The following MAGI1 variants were observed in gnomAD, a reference collection of about 807,000 sequenced individuals.
MAGI1 encodes the protein membrane-associated guanylate kinase, WW and PDZ domain-containing protein 1.
Under a neutral mutation model 139.9 loss-of-function variants are expected in MAGI1, and 58 were observed. The observed-to-expected ratio is 0.41, with a 90% CI of 0.34 to 0.52. The LOEUF is 0.52. Among genes scored for constraint, MAGI1 ranks in the 20% least tolerant of loss-of-function variants. MAGI1 has a pLI of 0.12. For synonymous variants in MAGI1, 812 were observed against 737.9 expected (o/e 1.10, Z -1.63); for missense variants, 1,874 against 1,901.6 (o/e 0.99, Z 0.27).
At chr3:65,727,085 G>A (rs1210053886) in intron 1 of MAGI1, among the ~76,000 whole-genome samples, 1 of 152,096 alleles carries the variant, frequency 6.6e-6, no homozygotes, top group Non-Finnish European at 1.5e-5. Context: ...TATATGGGAT[G>A]GAGAAAATTC....
At chr3:65,733,106 A>G (rs1297775007) in intron 1 of MAGI1, among the ~76,000 whole-genome samples, 1 of 151,838 alleles carries the variant, frequency 6.6e-6, no homozygotes, top group Non-Finnish European at 1.5e-5. Flanking sequence ...CTGGAGTGCA[A>G]TGAGTGCAAT....
intron 1 of MAGI1, among the ~76,000 whole-genome samples, chr3:65,851,058 G>C (rs1259676255): frequency 6.6e-6 from 1 of 152,002 alleles, no homozygotes; most frequent in Non-Finnish European, 1.5e-5. Flanking sequence ...AGTGAGCCGA[G>C]ATCACGCCAC....
At chr3:65,812,287 A>T (rs1018014654) in intron 1 of MAGI1, among the ~76,000 whole-genome samples, 3 of 152,176 alleles carry the variant, frequency 2.0e-5, no homozygotes, top group Non-Finnish European at 4.4e-5. Context: ...TATTCTAAAA[A>T]TGTTAATTGT....
chr3:65,582,745 T>C (rs2081497004), intron 2 of MAGI1, among the ~76,000 whole-genome samples: 1 of 152,184 alleles, frequency 6.6e-6, no homozygotes, highest in Admixed American at 6.5e-5. Context: ...TCAGCAGTCA[T>C]CTACTCCAAT....
intron 8 of MAGI1, among the ~76,000 whole-genome samples, chr3:65,440,433 C>T (rs1056429121): frequency 5.3e-5 from 8 of 152,068 alleles, no homozygotes; most frequent in African/African-American, 1.9e-4. Context: ...TCCAAATGTC[C>T]AAGATACCAC....
intron 12 of MAGI1, among the ~76,000 whole-genome samples, chr3:65,425,772 T>C (rs1267474953): frequency 6.6e-6 from 1 of 152,170 alleles, no homozygotes; most frequent in Non-Finnish European, 1.5e-5. Context: ...TCACACCTAC[T>C]GATAGGTGTG....
chr3:65,694,153 A>G (rs2088934101), intron 1 of MAGI1, among the ~76,000 whole-genome samples: 1 of 152,238 alleles, frequency 6.6e-6, no homozygotes, highest in Admixed American at 6.5e-5. Flanking sequence ...CCAAACAAAC[A>G]GAAAACAAGA....
At chr3:65,573,395 ATTATT>A (rs1449371345) in intron 2 of MAGI1, among the ~76,000 whole-genome samples, 1 of 152,116 alleles carries the variant, frequency 6.6e-6, no homozygotes, top group African/African-American at 2.4e-5. Flanking sequence ...GTCATGTAAG[ATTATT>A]TTAACATTGG....
intron 1 of MAGI1, among the ~76,000 whole-genome samples, chr3:65,852,952 G>A (rs867470163): frequency 2.7e-5 from 4 of 148,714 alleles, no homozygotes; most frequent in African/African-American, 5.0e-5. Flanking sequence ...TGGCTAACAC[G>A]GTGAAACCCC....
chr3:65,932,520 C>T (rs1311490966), intron 1 of MAGI1, among the ~76,000 whole-genome samples: 1 of 152,156 alleles, frequency 6.6e-6, no homozygotes, highest in African/African-American at 2.4e-5. Flanking sequence ...TATATACCAT[C>T]AACAGAAAAA....
intron 2 of MAGI1, among the ~76,000 whole-genome samples, chr3:65,559,854 G>A (rs1451793820): frequency 6.6e-6 from 1 of 152,132 alleles, no homozygotes; most frequent in African/African-American, 2.4e-5. Context: ...GGGCAACATA[G>A]TAAGACCCTA....
At chr3:65,428,708 G>A (rs1947252141) in intron 12 of MAGI1, among the ~76,000 whole-genome samples, 1 of 152,138 alleles carries the variant, frequency 6.6e-6, no homozygotes, top group Non-Finnish European at 1.5e-5. Context: ...ATATTCTAAT[G>A]AAAGACAAAT....
rs143891967 is a variant in MAGI1, at chr3:65,450,803, A to G, written c.1042+2455T>C. On this transcript the variant is annotated intron_variant, in intron 6 of 22. Coordinates refer to ENST00000402939, the MANE Select transcript of MAGI1 (RefSeq NM_001033057.2). The stretch of plus-strand genomic sequence containing the variant: ...TTATAATAATTAAGTATGATGCTAT[A>G]CTGTTACACCTCATATGTATGACCT... Among the ~76,000 whole-genome samples, 536 of 152,346 alleles carry G rather than the reference A, an allele frequency of 3.5e-3. 4 individuals are homozygous for G. The highest frequency in any genetic ancestry group is 0.013 in the African/African-American group (522 of 41,584).
In MAGI1 at chr3:65,648,563, A is replaced by C. The variant is rs1414640435; in HGVS notation, c.314-26475T>G. ...AAACTAGAAAACAGTGATGAAATTA[A>C]GATCCCCTAAATAAATAGTGATGAT... is the stretch of plus-strand genomic sequence containing the variant. On this transcript the variant is annotated intron_variant, in intron 1 of 22. Coordinates refer to ENST00000402939, the MANE Select transcript of MAGI1 (RefSeq NM_001033057.2). Among the ~76,000 whole-genome samples, 3 of 152,216 alleles carry C rather than the reference A, an allele frequency of 2.0e-5. No homozygotes were observed. In the South Asian group the frequency reaches 6.2e-4, roughly 31 times the overall value.
At chr3:65,456,964 T>C (rs941801029) in intron 5 of MAGI1, among the ~76,000 whole-genome samples, 2 of 152,148 alleles carry the variant, frequency 1.3e-5, no homozygotes, top group Non-Finnish European at 2.9e-5. Flanking sequence ...ATTAGTACAT[T>C]TGATATCAAG....
At chr3:65,500,686 G>A (rs550469526) in intron 2 of MAGI1, among the ~76,000 whole-genome samples, 3 of 152,260 alleles carry the variant, frequency 2.0e-5, no homozygotes, top group East Asian at 1.9e-4. Context: ...AACGCCATGC[G>A]GTTTCAAGAT....
At chr3:65,864,112 CA>C (rs199966603) in intron 1 of MAGI1, among the ~76,000 whole-genome samples, 16 of 150,656 alleles carry the variant, frequency 1.1e-4, no homozygotes, top group Non-Finnish European at 1.6e-4. Flanking sequence ...AAACGTAAAC[CA>C]AAAAAAATAA....
chr3:65,849,628 T>G (rs2059138792), intron 1 of MAGI1, among the ~76,000 whole-genome samples: 1 of 152,026 alleles, frequency 6.6e-6, no homozygotes, highest in African/African-American at 2.4e-5. Context: ...GATAAACTAC[T>G]TCATAAGCTG....
chr3:65,854,897 T>C (rs1025347474), intron 1 of MAGI1, among the ~76,000 whole-genome samples: 5 of 152,180 alleles, frequency 3.3e-5, no homozygotes, highest in African/African-American at 7.2e-5. Context: ...GTATGACACC[T>C]TGGAAACGTA....
Sources: allele counts gnomAD v4.1 joint callset (sites outside exome capture counted in the v4.1 genomes callset), GRCh38; gene constraint gnomAD v4.1.1; transcripts MANE v1.5; gene names NCBI Gene and HGNC (gene_info 2026-07-23, HGNC 2026-07-21).